The following LRRC7 variants were observed in gnomAD, a reference collection of about 807,000 sequenced individuals.
LRRC7 encodes leucine-rich repeat-containing protein 7.
In LRRC7, 23 loss-of-function variants were observed where a neutral mutation model predicts 175.7. The observed-to-expected ratio is 0.13, with a 90% confidence interval of 0.09 to 0.19. The LOEUF (loss-of-function observed/expected upper bound fraction) is 0.19. Ranked by LOEUF, LRRC7 falls within the 10% of genes least tolerant of loss-of-function variation. The pLI is 1.00. For missense variants in LRRC7, 1,354 were observed against 1,904.7 expected (o/e 0.71, Z 5.38); for synonymous variants, 685 against 680.9 (o/e 1.01, Z -0.09).
At chr1:69,587,186 C>T (rs999744854) in intron 1 of LRRC7, among the ~76,000 whole-genome samples, 1 of 152,146 alleles carries the variant, frequency 6.6e-6, no homozygotes, top group Non-Finnish European at 1.5e-5. Flanking sequence ...ATATTACTTA[C>T]TCGTCCAAAC....
chr1:69,968,413 C>T (rs1356250823), intron 8 of LRRC7, among the ~76,000 whole-genome samples: 1 of 152,120 alleles, frequency 6.6e-6, no homozygotes, highest in African/African-American at 2.4e-5. Context: ...CCCAGCCTTG[C>T]TAAAGAACTA....
At chr1:69,875,890 A>G (rs114874952) in intron 7 of LRRC7, among the ~76,000 whole-genome samples, 2,693 of 152,220 alleles carry the variant, frequency 0.018, 28 homozygotes, top group Non-Finnish European at 0.027. Context: ...GAAAAACAAC[A>G]ACAAAAACGA....
chr1:69,786,657 C>T (rs1191136108), intron 3 of LRRC7, among the ~76,000 whole-genome samples: 1 of 152,054 alleles, frequency 6.6e-6, no homozygotes, highest in Admixed American at 6.6e-5. Flanking sequence ...AGAGCTTGTT[C>T]AGGGAAACTC....
intron 7 of LRRC7, among the ~76,000 whole-genome samples, chr1:69,869,486 C>T (rs1685290753): frequency 6.6e-6 from 1 of 152,080 alleles, no homozygotes; most frequent in Admixed American, 6.6e-5. Context: ...ATTACATTAC[C>T]TGAAATACAG....
At chr1:69,628,776 T>C (rs1441580161) in intron 1 of LRRC7, among the ~76,000 whole-genome samples, 1 of 152,106 alleles carries the variant, frequency 6.6e-6, no homozygotes, top group East Asian at 1.9e-4. Context: ...AATAGACAAA[T>C]AGATCAGTGG....
intron 7 of LRRC7, among the ~76,000 whole-genome samples, chr1:69,913,641 A>G (rs182060735): frequency 5.9e-5 from 9 of 152,144 alleles, no homozygotes; most frequent in Admixed American, 5.2e-4. Context: ...CCACCCAAGT[A>G]GCTGGGATTA....
At chr1:69,676,416 AT>A (rs1369933767) in intron 1 of LRRC7, among the ~76,000 whole-genome samples, 1 of 152,126 alleles carries the variant, frequency 6.6e-6, no homozygotes, top group African/African-American at 2.4e-5. Context: ...AATCATGTTT[AT>A]ATTTTCAAAA....
intron 7 of LRRC7, among the ~76,000 whole-genome samples, chr1:69,854,787 T>C (rs968918502): frequency 6.6e-6 from 1 of 152,194 alleles, no homozygotes; most frequent in Admixed American, 6.5e-5. Flanking sequence ...GCCAGCATTT[T>C]TAAAAATCAA....
chr1:69,755,622 C>T (rs1670335901), intron 2 of LRRC7, among the ~76,000 whole-genome samples: 1 of 151,046 alleles, frequency 6.6e-6, no homozygotes, highest in South Asian at 2.1e-4. Context: ...AACAAAGTAC[C>T]CACAAAGGGA....
intron 23 of LRRC7, among the ~76,000 whole-genome samples, chr1:70,071,147 C>CATCTTTCCT (rs1203648575): frequency 6.6e-6 from 1 of 152,150 alleles, no homozygotes; most frequent in Non-Finnish European, 1.5e-5. Flanking sequence ...TGTTAGACAG[C>CATCTTTCCT]ATCTTTCCTA....
At position 69,971,487 on chromosome 1, in the gene LRRC7, C is replaced by T. The variant is rs978497886; in HGVS notation, c.712-8892C>T. ...CTTCTATACACCCACAGCGACCAAG[C>T]GGAGAATCAGATCAAGAACTTAACC... On this transcript the variant is annotated intron_variant, in intron 8 of 26. Coordinates refer to ENST00000651989, the MANE Select transcript of LRRC7 (RefSeq NM_001370785.2). Among the ~76,000 whole-genome samples the T allele has an allele frequency of 7.9e-5, 12 of 152,202 alleles. No homozygotes were observed. The South Asian group carries it at 8.3e-4, about 11-fold the overall frequency.
intron 7 of LRRC7, among the ~76,000 whole-genome samples, chr1:69,916,104 T>C (rs1464988837): frequency 7.1e-6 from 1 of 140,706 alleles, no homozygotes; most frequent in East Asian, 2.0e-4. Flanking sequence ...ATATTTTATA[T>C]ATAATATATA....
At chr1:69,578,495 A>G (rs1306374804) in intron 1 of LRRC7, among the ~76,000 whole-genome samples, 3 of 146,280 alleles carry the variant, frequency 2.1e-5, no homozygotes, top group Non-Finnish European at 3.0e-5. Flanking sequence ...ATGCACACGT[A>G]TGTTTATTGC....
intron 1 of LRRC7, among the ~76,000 whole-genome samples, chr1:69,615,937 C>T (rs1254065131): frequency 2.0e-5 from 3 of 152,002 alleles, no homozygotes; most frequent in Admixed American, 6.6e-5. Context: ...ATTTTTGCTC[C>T]TTCGGGGCTG....
rs561069257 is a variant in LRRC7, at chr1:70,143,168, C to T, written c.*21281C>T. On this transcript the variant is annotated 3_prime_UTR_variant, in exon 27 of 27. Transcript: ENST00000651989. ...CCTAAGCAGTGATACAACTTTGGGT[C>T]GCTATTTTAGTAAAATGAAGAGTCT... 19 of 147,740 alleles carry T rather than the reference C, an allele frequency of 1.3e-4. No homozygotes were observed. In the South Asian group the frequency reaches 4.1e-3, roughly 32 times the overall value. The allele number at this position is 147,740 out of a possible 1,614,324, so 9.2% of individuals were successfully genotyped here. A position where few individuals can be genotyped will look rare whatever the true frequency, so the allele number is the denominator to read the frequency against.
At chr1:70,078,715 A>C (rs552005072) in intron 24 of LRRC7, among the ~76,000 whole-genome samples, 1 of 152,098 alleles carries the variant, frequency 6.6e-6, no homozygotes, top group East Asian at 1.9e-4. Flanking sequence ...TTCTCTCCTG[A>C]TCAAATGAGA....
At chr1:70,116,150 A>C (rs1206200101) in intron 26 of LRRC7, among the ~76,000 whole-genome samples, 1 of 152,258 alleles carries the variant, frequency 6.6e-6, no homozygotes, top group Non-Finnish European at 1.5e-5. Flanking sequence ...GTTTCTATTC[A>C]AATAATTCAG....
At chr1:69,781,938 A>AAGAAAGAAAGAG (rs748855273) in intron 3 of LRRC7, among the ~76,000 whole-genome samples, 23,960 of 122,216 alleles carry the variant, frequency 0.2, 2,641 homozygotes, top group Middle Eastern at 0.32. Context: ...GAAAGAAAGA[A>AAGAAAGAAAGAG]AGAGAAAAGA....
At chr1:69,859,786 C>T (rs529539363) in intron 7 of LRRC7, among the ~76,000 whole-genome samples, 1 of 152,046 alleles carries the variant, frequency 6.6e-6, no homozygotes, top group South Asian at 2.1e-4. Flanking sequence ...CTCAAAATGA[C>T]AGTATGATAT....
Sources: allele counts gnomAD v4.1 joint callset (sites outside exome capture counted in the v4.1 genomes callset), GRCh38; gene constraint gnomAD v4.1.1; transcripts MANE v1.5; gene names NCBI Gene and HGNC (gene_info 2026-07-23, HGNC 2026-07-21).